Variants in TMEM9B observed in about 807,000 individuals in gnomAD.
TMEM9B encodes the protein transmembrane protein 9B.
In TMEM9B, 8 loss-of-function variants were observed where a neutral mutation model predicts 23.5. The ratio of observed to expected loss-of-function variants is 0.34; its 90% CI spans 0.20 to 0.61. The LOEUF is 0.61. TMEM9B is among the 20% of genes least tolerant of loss of function. The probability of loss-of-function intolerance (pLI) is 0.78; values close to 1 mark genes in which losing one functional copy is unlikely to be tolerated. For synonymous variants in TMEM9B, 106 were observed against 96.3 expected (o/e 1.10, Z -0.59); for missense variants, 197 against 252.3 (o/e 0.78, Z 1.49).
intron 2 of TMEM9B, among the ~76,000 whole-genome samples, chr11:8,959,259 T>C (rs376454378): frequency 3.9e-5 from 6 of 152,116 alleles, no homozygotes; most frequent in Non-Finnish European, 5.9e-5. Context: ...CTGGGCAACA[T>C]AGTGAGACCC....
intron 2 of TMEM9B, 135 bp downstream of exon 2, chr11:8,961,957 T>G: frequency 1.7e-6 from 1 of 601,920 alleles, no homozygotes. Context: ...CTTTTTCAAA[T>G]GGAAGTAGAA....
chr11:8,963,723 A>T (rs1374471844), intron 1 of TMEM9B, among the ~76,000 whole-genome samples: 1 of 152,176 alleles, frequency 6.6e-6, no homozygotes, highest in East Asian at 1.9e-4. Flanking sequence ...GGAAGTGTTC[A>T]GGGGTGAGCT....
chr11:8,956,255 CA>C lies in TMEM9B; in HGVS notation c.240del (p.Asp81MetfsTer2). ...CAGCGTAGACAGTATGCTTCTACAT[CA>C]GGCCCCCGCACAGGCATGGGCTCCA... is the stretch of plus-strand genomic sequence containing the variant. ...HVVEPMPVRGPDVEAYCLRCE... is the reference protein window; with the variant it reads ...HVVEPMPVRGXDVEAYCLRCE... On this transcript the variant is annotated frameshift_variant, in exon 3 of 5. Transcript: ENST00000534025. LOFTEE classifies it high-confidence loss of function. The C allele has an allele frequency of 6.2e-7, 1 of 1,613,794 alleles. No homozygotes were observed. The highest frequency in any genetic ancestry group is 8.5e-7 in the Non-Finnish European group (1 of 1,180,016).
chr11:8,958,867 G>A (rs891800100), intron 2 of TMEM9B, among the ~76,000 whole-genome samples: 5 of 152,048 alleles, frequency 3.3e-5, no homozygotes, highest in South Asian at 2.1e-4. Flanking sequence ...CACCGCACCC[G>A]GCCCAGGTTA....
In TMEM9B at chr11:8,957,525, T is replaced by C. The variant is rs1476042444; in HGVS notation, c.198-1227A>G. ...TTCCTGGCTGCCTCAAGCACTCTAC[T>C]ACACCATCCTATCTTATCTTACCCA... On this transcript the variant is annotated intron_variant, in intron 2 of 4. Transcript: ENST00000534025. The surrounding 1 kb of genome is among the most constrained non-coding windows in gnomAD (Gnocchi z 4.3). 1.3e-5 allele frequency among the ~76,000 whole-genome samples: 2 copies of C among 152,226 alleles called. No homozygotes were observed. Among genetic ancestry groups the C allele is most frequent in the African/African-American group, 4.8e-5 (2 of 41,466 alleles).
chr11:8,954,157 A>G (rs759628914), intron 3 of TMEM9B, among the ~76,000 whole-genome samples: 31 of 152,226 alleles, frequency 2.0e-4, no homozygotes, highest in Non-Finnish European at 4.3e-4. Flanking sequence ...ACAGAAGACT[A>G]TATATTATAT....
At chr11:8,956,906 G>A (rs1853984919) in intron 2 of TMEM9B, among the ~76,000 whole-genome samples, 1 of 152,120 alleles carries the variant, frequency 6.6e-6, no homozygotes, top group Admixed American at 6.5e-5. Context: ...TTGTTGTAGA[G>A]ATCAGGTCTT....
chr11:8,964,548 G>A (rs1854163522), upstream of TMEM9B: 2 of 1,253,968 alleles, frequency 1.6e-6, no homozygotes, highest in East Asian at 6.0e-5. Flanking sequence ...CCTGGTGCCC[G>A]CCTTGGCCTA....
chr11:8,948,519 T>G, intron 4 of TMEM9B, 44 bp from the exon 5 acceptor site: 2 of 1,594,526 alleles, frequency 1.3e-6, no homozygotes, highest in Non-Finnish European at 1.7e-6. Flanking sequence ...GCACAGTCAG[T>G]GTAAAACATA....
Position 8,956,247 on chromosome 11 carries a change from T to C in TMEM9B, c.249A>G (p.Glu83=). ...TGCATTCACAGCGTAGACAGTATGC[T>C]TCTACATCAGGCCCCCGCACAGGCA... ...EPMPVRGPDV[E]AYCLRCECKY... Residue 83 remains glutamate, a synonymous_variant, in exon 3 of 5, where the codon GAA becomes GAG. Coordinates refer to ENST00000534025, the MANE Select transcript of TMEM9B (RefSeq NM_020644.3). 2 of 1,613,902 alleles carry C rather than the reference T, an allele frequency of 1.2e-6. No individual in the cohort carries two copies. Among genetic ancestry groups the C allele is most frequent in the South Asian group, 1.1e-5 (1 of 91,080 alleles).
rs145917491 is a variant in TMEM9B at position 8,961,860 on chromosome 11, C to G, written c.197+232G>C. Reference sequence around the variant, plus strand: ...GTGCCACAAACCCAGTCATATGCTCCCATGAAACTCTGCCTACATGGGTCT... The same window carrying G: ...GTGCCACAAACCCAGTCATATGCTCGCATGAAACTCTGCCTACATGGGTCT... On this transcript the variant is annotated intron_variant, in intron 2 of 4. Transcript: ENST00000534025. Among the ~76,000 whole-genome samples the G allele has an allele frequency of 2.0e-5, 3 of 152,256 alleles. No homozygotes were observed. The East Asian group carries it at 5.8e-4, about 29-fold the overall frequency.
In TMEM9B at chr11:8,953,190, G is replaced by T; in HGVS notation, c.441+13C>A. The T allele has an allele frequency of 1.9e-6, 3 of 1,614,152 alleles. 1 individual carries two copies. In the South Asian group the frequency reaches 3.3e-5, roughly 18 times the overall value. Reference sequence around the variant, plus strand: ...GACTGGCCATGAGCAGCTAGGGCAGGCTGGGAACTTACCCCAATATCATCA... The same window carrying T: ...GACTGGCCATGAGCAGCTAGGGCAGTCTGGGAACTTACCCCAATATCATCA... On this transcript the variant is annotated intron_variant, in intron 4 of 4. Coordinates refer to ENST00000534025, the MANE Select transcript of TMEM9B (RefSeq NM_020644.3).
intron 2 of TMEM9B, 120 bp from the exon 3 acceptor site, chr11:8,956,418 CAAAT>C (rs1420149521): frequency 4.5e-6 from 3 of 668,726 alleles, no homozygotes; most frequent in East Asian, 5.6e-5. Flanking sequence ...GCATAAAAAA[CAAAT>C]AATCAATAAG....
In TMEM9B at chr11:8,947,571, A is replaced by G. The variant is rs1853792413; in HGVS notation, c.*749T>C. The G allele has an allele frequency of 6.5e-6, 1 of 152,682 alleles. No individual in the cohort carries two copies. The highest frequency in any genetic ancestry group is 2.4e-5 in the African/African-American group (1 of 41,478). The allele number at this position is 152,682 out of a possible 1,614,324, so 9.5% of individuals were successfully genotyped here. A position where few individuals can be genotyped will look rare whatever the true frequency, so the allele number is the denominator to read the frequency against. On this transcript the variant is annotated 3_prime_UTR_variant, in exon 5 of 5. Transcript: ENST00000534025. Reference sequence around the variant, plus strand: ...TAGGATTTGTCCTTAAAGGTACTAGAAGATGAGTAAGACCACACACACCAA... The same window carrying G: ...TAGGATTTGTCCTTAAAGGTACTAGGAGATGAGTAAGACCACACACACCAA...
chr11:8,958,362 T>C (rs891833423), intron 2 of TMEM9B, among the ~76,000 whole-genome samples: 1 of 150,108 alleles, frequency 6.7e-6, no homozygotes, highest in Non-Finnish European at 1.5e-5. Flanking sequence ...CTCAGGAGGC[T>C]GAGGCAGGAG....
chr11:8,948,786 G>C (rs1853823593), intron 4 of TMEM9B, among the ~76,000 whole-genome samples: 1 of 152,204 alleles, frequency 6.6e-6, no homozygotes, highest in Non-Finnish European at 1.5e-5. Context: ...TTGTGTTAAA[G>C]AGAAGCCTTC....
chr11:8,964,416 G>A lies in TMEM9B; in HGVS notation c.-103C>T, dbSNP rs972384239. The A allele has an allele frequency of 2.9e-5, 42 of 1,442,852 alleles. No individual in the cohort carries two copies. The highest frequency in any genetic ancestry group is 3.6e-5 in the Non-Finnish European group (40 of 1,104,966). The allele number at this position is 1,442,852 out of a possible 1,614,324, so 89.4% of individuals were successfully genotyped here. A position where few individuals can be genotyped will look rare whatever the true frequency, so the allele number is the denominator to read the frequency against. On this transcript the variant is annotated 5_prime_UTR_variant, in exon 1 of 5. Coordinates refer to ENST00000534025, the MANE Select transcript of TMEM9B (RefSeq NM_020644.3). ...TCAGGCACAGGCTTGGGACCCGGCT[G>A]GGGATCCTCCGCCCGCACTTCCGTC...
At chr11:8,963,878 A>T in intron 1 of TMEM9B, 1 of 309,582 alleles carries the variant, frequency 3.2e-6, no homozygotes. Context: ...AGGCTCTCGG[A>T]GGTGAAAAGG....
intron 4 of TMEM9B, among the ~76,000 whole-genome samples, chr11:8,951,164 T>C (rs1442244116): frequency 6.6e-6 from 1 of 152,226 alleles, no homozygotes; most frequent in African/African-American, 2.4e-5. Context: ...TCTACATCCA[T>C]TTCTCTTATG....
Sources: gnomAD v4.1 joint callset for allele counts (sites outside exome capture counted in the v4.1 genomes callset) on GRCh38, gnomAD v4.1.1 for gene constraint, Gnocchi (gnomAD v3.1) non-coding constraint, MANE v1.5 for transcripts, NCBI Gene and HGNC (gene_info 2026-07-23, HGNC 2026-07-21) for gene names.